Variants in SFSWAP observed in about 807,000 individuals in gnomAD.
SFSWAP encodes the protein splicing factor, suppressor of white-apricot homolog.
In SFSWAP, 17 loss-of-function variants were observed where a neutral mutation model predicts 100.7. That is an observed-to-expected ratio of 0.17 (90% CI 0.12 to 0.25). The LOEUF is 0.25. Ranked by LOEUF, SFSWAP falls within the 10% of genes least tolerant of loss-of-function variation. SFSWAP has a pLI of 1.00. For synonymous variants in SFSWAP, 504 were observed against 510.1 expected, an observed-to-expected ratio of 0.99 and a Z score of 0.16; for missense variants, 1,005 against 1,262.6, an observed-to-expected ratio of 0.80 and a Z score of 3.09.
intron 11 of SFSWAP, among the ~76,000 whole-genome samples, chr12:131,763,125 G>A (rs1416183511): frequency 2.0e-5 from 3 of 152,132 alleles, no homozygotes; most frequent in Non-Finnish European, 4.4e-5. Flanking sequence ...AGAGGGTCTG[G>A]GCTATCACAT....
Position 131,726,962 on chromosome 12 carries a change from T to C in SFSWAP, c.855T>C (p.Asn285=). The change falls in exon 6 of 18, where the codon AAT becomes AAC. Residue 285 remains asparagine (N), a synonymous_variant. Coordinates refer to ENST00000261674, the MANE Select transcript of SFSWAP (RefSeq NM_004592.4). ...EKKKSGVSSD[N]EDDDDEEDGN... ...CAGAATCAGGAGTCAGCTCTGACAA[T>C]GAAGATGATGATGATGAAGAAGATG... 6 of 1,602,372 alleles carry C rather than the reference T, an allele frequency of 3.7e-6. No individual in the cohort carries two copies. The highest frequency in any genetic ancestry group is 4.3e-6 in the Non-Finnish European group (5 of 1,172,050).
chr12:131,799,160 G>T, intron 17 of SFSWAP, 51 bp downstream of exon 17: 3 of 1,437,492 alleles, frequency 2.1e-6, no homozygotes, highest in Admixed American at 1.7e-5. Flanking sequence ...AAGGGGCCTC[G>T]TGGTTTCTCT....
intron 3 of SFSWAP, among the ~76,000 whole-genome samples, chr12:131,716,365 A>G (rs1386174475): frequency 1.3e-5 from 2 of 152,240 alleles, no homozygotes; most frequent in East Asian, 3.8e-4. Context: ...GTTACGATGC[A>G]CTAGAAATGT....
intron 14 of SFSWAP, chr12:131,783,792 T>TTATATATATATATATATATA (rs68047235): frequency 0.018 from 1,541 of 86,344 alleles, 74 homozygotes; most frequent in Non-Finnish European, 0.028. Flanking sequence ...AAAAAACATT[T>TTATATATATATATATATATA]TATATATATA....
chr12:131,789,655 C>T, intron 15 of SFSWAP, among the ~76,000 whole-genome samples: 1 of 150,936 alleles, frequency 6.6e-6, no homozygotes, highest in South Asian at 2.1e-4. Context: ...ATCCCATCCA[C>T]TCCCCTCCCT....
At chr12:131,780,874 A>G (rs1161657271) in intron 14 of SFSWAP, among the ~76,000 whole-genome samples, 3 of 152,130 alleles carry the variant, frequency 2.0e-5, no homozygotes, top group African/African-American at 4.8e-5. Flanking sequence ...AGAGCTGTTC[A>G]TGGTGTTTCT....
At chr12:131,788,360 G>T (rs181920314) in intron 15 of SFSWAP, among the ~76,000 whole-genome samples, 1 of 152,244 alleles carries the variant, frequency 6.6e-6, no homozygotes, top group Non-Finnish European at 1.5e-5. Flanking sequence ...CCAGACAGAC[G>T]GAATTAAACC....
intron 7 of SFSWAP, among the ~76,000 whole-genome samples, chr12:131,744,232 A>T (rs1880915541): frequency 6.6e-6 from 1 of 152,184 alleles, no homozygotes; most frequent in Non-Finnish European, 1.5e-5. Context: ...CTCCTCAGAA[A>T]ATGAGATATT....
intron 16 of SFSWAP, among the ~76,000 whole-genome samples, chr12:131,798,139 T>C (rs1324076193): frequency 1.3e-5 from 2 of 151,926 alleles, no homozygotes; most frequent in Non-Finnish European, 2.9e-5. Flanking sequence ...CTGGACAACA[T>C]GGCAGGACCT....
intron 7 of SFSWAP, among the ~76,000 whole-genome samples, chr12:131,743,655 G>A (rs1317877392): frequency 6.6e-6 from 1 of 152,220 alleles, no homozygotes. Context: ...AGCTGTTGGT[G>A]GATCTACCAT....
chr12:131,778,705 A>G lies in SFSWAP; in HGVS notation c.2408+375A>G, dbSNP rs1884223495. The stretch of plus-strand genomic sequence containing the variant: ...GCTAATTTTTGTATTTTTAGTAGAG[A>G]CGGGGTTTCACCGTGTCGGCCAGGC... On this transcript the variant is annotated intron_variant, in intron 14 of 17. Coordinates refer to ENST00000261674, the MANE Select transcript of SFSWAP (RefSeq NM_004592.4). This position sits in a 1 kb window ranked among gnomAD's most constrained non-coding sequence, Gnocchi z 4.2. 3.9e-5 allele frequency among the ~76,000 whole-genome samples: 6 copies of G among 151,924 alleles called. No homozygotes were observed. The highest frequency in any genetic ancestry group is 2.6e-4 in the Admixed American group (4 of 15,250).
chr12:131,760,734 T>G (rs1179933404), intron 11 of SFSWAP, among the ~76,000 whole-genome samples: 1 of 152,124 alleles, frequency 6.6e-6, no homozygotes. Flanking sequence ...TGCTGTCTGT[T>G]TAAGTGGTCT....
chr12:131,755,288 A>T (rs1248582715), intron 9 of SFSWAP, 98 bp from the exon 10 acceptor site: 4 of 811,428 alleles, frequency 4.9e-6, no homozygotes, highest in Non-Finnish European at 8.3e-6. Flanking sequence ...ACCTTGTGGG[A>T]TTGTTGAGAT....
intron 7 of SFSWAP, among the ~76,000 whole-genome samples, chr12:131,743,005 T>G (rs184770977): frequency 1.5e-4 from 23 of 152,338 alleles, no homozygotes; most frequent in African/African-American, 5.5e-4. Flanking sequence ...GACTATCAGA[T>G]CTCATAAGAC....
At position 131,734,176 on chromosome 12, in the gene SFSWAP, A is replaced by G. The variant is rs576615540; in HGVS notation, c.1081+5748A>G. Reference sequence around the variant, plus strand: ...GGCCCCTGGCACAGAGAGCGTGTTCATCGCTGGCTCCTGCCGCCCTCGAGG... The same window carrying G: ...GGCCCCTGGCACAGAGAGCGTGTTCGTCGCTGGCTCCTGCCGCCCTCGAGG... On this transcript the variant is annotated intron_variant, in intron 7 of 17. Transcript: ENST00000261674. This position sits in a 1 kb window ranked among gnomAD's most constrained non-coding sequence, Gnocchi z 4.9. Among the ~76,000 whole-genome samples the G allele has an allele frequency of 7.3e-4, 111 of 152,336 alleles. No homozygotes were observed. Among genetic ancestry groups the G allele is most frequent in the African/African-American group, 2.5e-3 (106 of 41,586 alleles).
intron 15 of SFSWAP, among the ~76,000 whole-genome samples, chr12:131,788,549 A>G (rs562907030): frequency 6.6e-6 from 1 of 150,990 alleles, no homozygotes; most frequent in South Asian, 2.1e-4. Context: ...TTTTTGAGAC[A>G]GGGTCTCACC....
chr12:131,764,158 G>A (rs1882911116), intron 11 of SFSWAP, among the ~76,000 whole-genome samples: 1 of 152,122 alleles, frequency 6.6e-6, no homozygotes, highest in Non-Finnish European at 1.5e-5. Flanking sequence ...GACAAGAATT[G>A]GCCATTTAAA....
In SFSWAP at chr12:131,728,367, C is replaced by T. The variant is rs952517573; in HGVS notation, c.1020C>T (p.Pro340=). The change falls in exon 7 of 18, where the codon CCC becomes CCT. Residue 340 remains proline (P), a synonymous_variant. Transcript: ENST00000261674. ...AGGCACAGGCTGACAGTTCCACTCC[C>T]ACCCCACACAACGCAGACGGTGCGC... ...VRKAQADSST[P]TPHNADGAPV... is the part of the protein sequence containing the mutation. The T allele has an allele frequency of 1.5e-5, 25 of 1,614,234 alleles. No individual in the cohort carries two copies. The highest frequency in any genetic ancestry group is 2.0e-5 in the Non-Finnish European group (24 of 1,180,030).
intron 4 of SFSWAP, among the ~76,000 whole-genome samples, chr12:131,723,531 C>T (rs1441535842): frequency 6.6e-6 from 1 of 152,070 alleles, no homozygotes; most frequent in Non-Finnish European, 1.5e-5. Context: ...CAATCTGATA[C>T]TTACTTAGGG....
Sources: allele counts gnomAD v4.1 joint callset (sites outside exome capture counted in the v4.1 genomes callset), GRCh38; gene constraint gnomAD v4.1.1; non-coding constraint Gnocchi (gnomAD v3.1); transcripts MANE v1.5; gene names NCBI Gene and HGNC (gene_info 2026-07-23, HGNC 2026-07-21).